Variants in ETS1 observed in about 807,000 individuals in gnomAD.
The protein encoded by ETS1 is ETS proto-oncogene 1, transcription factor.
In ETS1, 15 loss-of-function variants were observed where a neutral mutation model predicts 58.6. That is an observed-to-expected ratio of 0.26 (90% CI 0.17 to 0.39). The LOEUF is 0.39. ETS1 is among the 10% of genes least tolerant of loss of function. The probability of loss-of-function intolerance (pLI) is 1.00; values close to 1 mark genes in which losing one functional copy is unlikely to be tolerated. For synonymous variants in ETS1, 214 were observed against 218.2 expected (o/e 0.98, Z 0.17); for missense variants, 417 against 610.5 (o/e 0.68, Z 3.34).
intron 3 of ETS1, among the ~76,000 whole-genome samples, chr11:128,553,527 A>G (rs558322849): frequency 1.8e-4 from 27 of 151,410 alleles, no homozygotes; most frequent in African/African-American, 6.3e-4. Flanking sequence ...ATTTTCACAC[A>G]TCTCTTCTTT....
chr11:128,486,648 CAGGTTTCA>C (rs1406896774), intron 5 of ETS1, among the ~76,000 whole-genome samples: 1 of 152,210 alleles, frequency 6.6e-6, no homozygotes, highest in Non-Finnish European at 1.5e-5. Context: ...CCATTGCCCT[CAGGTTTCA>C]AGTTCAGGCC....
intron 1 of ETS1, 107 bp downstream of exon 1, chr11:128,587,381 T>C (rs1284107091): frequency 6.6e-6 from 1 of 152,284 alleles, no homozygotes; most frequent in Non-Finnish European, 1.5e-5. Flanking sequence ...AAAACTCACT[T>C]GTATCCTGAA....
At chr11:128,575,661 T>G (rs984568551) in intron 1 of ETS1, among the ~76,000 whole-genome samples, 1 of 152,132 alleles carries the variant, frequency 6.6e-6, no homozygotes, top group Admixed American at 6.5e-5. Context: ...CACACATAAC[T>G]ATAGCATAAT....
chr11:128,516,330 C>A (rs1187941590), intron 3 of ETS1, among the ~76,000 whole-genome samples: 2 of 152,184 alleles, frequency 1.3e-5, no homozygotes, highest in Non-Finnish European at 2.9e-5. Flanking sequence ...GAGTTAAGAA[C>A]AGCTTAACAG....
At chr11:128,475,671 C>T (rs1033841591) in intron 8 of ETS1, among the ~76,000 whole-genome samples, 4 of 151,324 alleles carry the variant, frequency 2.6e-5, no homozygotes, top group African/African-American at 9.7e-5. Flanking sequence ...CCTGCCTCAG[C>T]CTACCAAGTG....
intron 3 of ETS1, among the ~76,000 whole-genome samples, chr11:128,514,697 G>A (rs779769929): frequency 6.6e-6 from 1 of 152,160 alleles, no homozygotes. Context: ...GGAACCCAGG[G>A]AAGACTTCAT....
chr11:128,473,484 C>T (rs181648526), intron 8 of ETS1, among the ~76,000 whole-genome samples: 3 of 152,352 alleles, frequency 2.0e-5, no homozygotes, highest in African/African-American at 7.2e-5. Context: ...AAAACAGATA[C>T]AGAGATGTTA....
chr11:128,462,610 G>C (rs772159155), intron 9 of ETS1, 34 bp from the exon 10 acceptor site: 3 of 1,574,362 alleles, frequency 1.9e-6, no homozygotes, highest in South Asian at 1.1e-5. Context: ...AGGAGGAGTA[G>C]GCAAAAATCT....
chr11:128,460,753 T>C lies in ETS1; in HGVS notation c.*1608A>G, dbSNP rs1242270390. On this transcript the variant is annotated 3_prime_UTR_variant, in exon 10 of 10. Coordinates refer to ENST00000392668, the MANE Select transcript of ETS1 (RefSeq NM_001143820.2). ...AAACCTTGGGGGAACTAAAAATCTA[T>C]TCAAATCTCATGGACAACCTTATTT... 1 of 152,372 alleles carries C rather than the reference T, an allele frequency of 6.6e-6. No individual in the cohort carries two copies. The highest frequency in any genetic ancestry group is 1.5e-5 in the Non-Finnish European group (1 of 68,040). The allele number at this position is 152,372 out of a possible 1,614,324, so 9.4% of individuals were successfully genotyped here.
At chr11:128,555,403 C>T (rs1864296918) in intron 3 of ETS1, among the ~76,000 whole-genome samples, 1 of 152,192 alleles carries the variant, frequency 6.6e-6, no homozygotes, top group Non-Finnish European at 1.5e-5. Flanking sequence ...ATGCCCTGCC[C>T]AGGTCTTTCC....
At chr11:128,552,967 A>G (rs931020803) in intron 3 of ETS1, among the ~76,000 whole-genome samples, 3 of 152,214 alleles carry the variant, frequency 2.0e-5, no homozygotes, top group African/African-American at 4.8e-5. Context: ...GTTGGAGAGA[A>G]AGGGCTGAGG....
intron 3 of ETS1, among the ~76,000 whole-genome samples, chr11:128,527,986 A>G (rs903958662): frequency 6.6e-6 from 1 of 152,188 alleles, no homozygotes. Context: ...AAGCAGAGAT[A>G]AGTGGAGCAC....
At chr11:128,523,930 G>A (rs1463351227) in intron 3 of ETS1, among the ~76,000 whole-genome samples, 2 of 148,474 alleles carry the variant, frequency 1.3e-5, no homozygotes, top group Non-Finnish European at 3.0e-5. Context: ...AAAAAAAAAA[G>A]GTTCTTGAAT....
chr11:128,470,251 T>A (rs1862149372), intron 8 of ETS1, among the ~76,000 whole-genome samples: 2 of 152,148 alleles, frequency 1.3e-5, no homozygotes, highest in African/African-American at 4.8e-5. Context: ...TCAAAAAATT[T>A]AAAAATAAAA....
intron 2 of ETS1, among the ~76,000 whole-genome samples, chr11:128,569,189 CAAT>C (rs1358236670): frequency 6.6e-6 from 1 of 152,158 alleles, no homozygotes; most frequent in Non-Finnish European, 1.5e-5. Context: ...TAAATTTTAA[CAAT>C]GAGACACATC....
At chr11:128,479,747 C>T (rs1024944973) in intron 8 of ETS1, among the ~76,000 whole-genome samples, 3 of 152,058 alleles carry the variant, frequency 2.0e-5, no homozygotes, top group South Asian at 2.1e-4. Flanking sequence ...TAAGGAGAAC[C>T]GTGCTGCAGA....
chr11:128,504,124 A>C (rs1441170933), intron 3 of ETS1, among the ~76,000 whole-genome samples: 1 of 152,200 alleles, frequency 6.6e-6, no homozygotes, highest in East Asian at 1.9e-4. Context: ...CTAGAGAGAT[A>C]AGCTTTGAAG....
At chr11:128,476,920 G>A (rs891338013) in intron 8 of ETS1, among the ~76,000 whole-genome samples, 7 of 152,296 alleles carry the variant, frequency 4.6e-5, no homozygotes, top group East Asian at 3.9e-4. Context: ...ATCTGCCCCC[G>A]CATCTTGACC....
chr11:128,519,496 C>T (rs11819995), intron 3 of ETS1, among the ~76,000 whole-genome samples: 34,575 of 152,182 alleles, frequency 0.23, 3,991 homozygotes, highest in Middle Eastern at 0.36. Context: ...TAAAAAGCTA[C>T]GCTGTGAGAA....
Sources: gnomAD v4.1 joint callset for allele counts (sites outside exome capture counted in the v4.1 genomes callset) on GRCh38, gnomAD v4.1.1 for gene constraint, MANE v1.5 for transcripts, NCBI Gene and HGNC (gene_info 2026-07-23, HGNC 2026-07-21) for gene names.